The following SLC9A2 variants were observed in gnomAD, a reference collection of about 807,000 sequenced individuals.
SLC9A2 encodes the protein solute carrier family 9 member A2.
SLC9A2 carries 42 observed loss-of-function variants against 71.7 expected under a neutral mutation model. That is an observed-to-expected ratio of 0.59 (90% CI 0.46 to 0.76). The LOEUF is 0.76. SLC9A2 is among the 30% of genes least tolerant of loss of function. The pLI is 0.00. For missense variants in SLC9A2, 829 were observed against 1,017.4 expected (o/e 0.81, Z 2.52); for synonymous variants, 396 against 392.5 (o/e 1.01, Z -0.10).
chr2:102,645,159 G>C (rs1026480081), intron 1 of SLC9A2, among the ~76,000 whole-genome samples: 1 of 152,144 alleles, frequency 6.6e-6, no homozygotes, highest in African/African-American at 2.4e-5. Flanking sequence ...AGGCAAACAG[G>C]GTCTGGAGTG....
At chr2:102,642,610 G>T (rs560445936) in intron 1 of SLC9A2, among the ~76,000 whole-genome samples, 1 of 152,018 alleles carries the variant, frequency 6.6e-6, no homozygotes, top group East Asian at 1.9e-4. Flanking sequence ...AAAGGGTATT[G>T]GTCTGTTGTT....
intron 1 of SLC9A2, among the ~76,000 whole-genome samples, chr2:102,640,693 A>G (rs1198920851): frequency 1.3e-5 from 2 of 152,138 alleles, no homozygotes; most frequent in African/African-American, 4.8e-5. Context: ...CTCATCATTT[A>G]GGGTCTTCAT....
chr2:102,633,799 G>A (rs1336623438), intron 1 of SLC9A2, among the ~76,000 whole-genome samples: 1 of 152,154 alleles, frequency 6.6e-6, no homozygotes, highest in Non-Finnish European at 1.5e-5. Flanking sequence ...GTATTCATAG[G>A]TTAAGAGAAG....
chr2:102,647,142 C>T (rs904676378), intron 1 of SLC9A2, among the ~76,000 whole-genome samples: 2 of 152,144 alleles, frequency 1.3e-5, no homozygotes, highest in Non-Finnish European at 1.5e-5. Flanking sequence ...CAAATTATAA[C>T]TCAGGATTAA....
intron 5 of SLC9A2, among the ~76,000 whole-genome samples, chr2:102,692,115 T>C (rs1677675505): frequency 1.3e-5 from 2 of 152,242 alleles, no homozygotes; most frequent in Admixed American, 6.5e-5. Context: ...TTCATTTACA[T>C]AAGTTAGAAA....
At chr2:102,687,351 G>T (rs763944940) in intron 5 of SLC9A2, among the ~76,000 whole-genome samples, 9 of 152,182 alleles carry the variant, frequency 5.9e-5, no homozygotes, top group East Asian at 1.9e-4. Flanking sequence ...CTTCAGAAAA[G>T]ATATCTTTTC....
intron 3 of SLC9A2, among the ~76,000 whole-genome samples, chr2:102,678,690 A>G (rs1677390388): frequency 6.6e-6 from 1 of 152,156 alleles, no homozygotes; most frequent in Admixed American, 6.5e-5. Context: ...TCTCCTGGCC[A>G]TATACTTCAG....
chr2:102,649,515 A>G (rs910977740), intron 1 of SLC9A2, among the ~76,000 whole-genome samples: 5 of 152,220 alleles, frequency 3.3e-5, no homozygotes, highest in African/African-American at 9.7e-5. Flanking sequence ...AGCAAAAATT[A>G]TCATCAGAGT....
intron 3 of SLC9A2, among the ~76,000 whole-genome samples, chr2:102,681,055 TC>T (rs1677444457): frequency 6.6e-6 from 1 of 152,128 alleles, no homozygotes; most frequent in Non-Finnish European, 1.5e-5. Flanking sequence ...AAGATGGAAA[TC>T]TGCATTGTTT....
chr2:102,705,893 G>A lies in SLC9A2; in HGVS notation c.2025G>A (p.Lys675=), dbSNP rs1677965791. The A allele has an allele frequency of 6.2e-7, 1 of 1,606,618 alleles. No individual in the cohort carries two copies. Residue 675 remains lysine (K), a synonymous_variant, in exon 11 of 12, where the codon AAG becomes AAA. Coordinates refer to ENST00000233969, the MANE Select transcript of SLC9A2 (RefSeq NM_003048.6). ...SRYLSLPKNT[K]LPEKLQKRRT... ...ATTTATCCTTACCTAAAAATACGAAGCTTCCAGAAAAGCTACAAAAGAGGA... is the reference window on the plus strand; with the variant it reads ...ATTTATCCTTACCTAAAAATACGAAACTTCCAGAAAAGCTACAAAAGAGGA...
chr2:102,668,069 G>C lies in SLC9A2; in HGVS notation c.1004+2719G>C, dbSNP rs1015513368. ...AGCCCAGACAACAGATTGAGACTCG[G>C]TCTCAAAAAACTAAAAAATAAAAAA... On this transcript the variant is annotated intron_variant, in intron 3 of 11. Coordinates refer to ENST00000233969, the MANE Select transcript of SLC9A2 (RefSeq NM_003048.6). Among the ~76,000 whole-genome samples the C allele has an allele frequency of 2.0e-5, 3 of 151,622 alleles. No individual in the cohort carries two copies. In the East Asian group the frequency reaches 5.8e-4, roughly 29 times the overall value.
rs745379416 is a variant in SLC9A2, at chr2:102,708,181, G to A, written c.2131G>A (p.Ala711Thr). The change falls in exon 12 of 12, where the codon GCC becomes ACC. Residue 711 changes from alanine (A) to threonine (T), a missense_variant. By Grantham distance (58) the Ala-to-Thr change is moderately conservative (BLOSUM62 0). Around this residue, in one of 3 missense-constraint regions of SLC9A2, gnomAD observed 223 missense variants for 197.5 expected, o/e 1.13. Transcript: ENST00000233969. ...CACCGTGCTCAATTTGCAGCCCAGA[G>A]CCAGGCGCTTCTTGCCAGAACAGTT... ...GTTVLNLQPR[A>T]RRFLPEQFSK... The A allele has an allele frequency of 1.2e-6, 2 of 1,614,180 alleles. No homozygotes were observed. The highest frequency in any genetic ancestry group is 2.2e-5 in the South Asian group (2 of 91,082).
At position 102,708,290 on chromosome 2, in the gene SLC9A2, C is replaced by T; in HGVS notation, c.2240C>T (p.Pro747Leu). 1 of 1,614,168 alleles carries T rather than the reference C, an allele frequency of 6.2e-7. No individual in the cohort carries two copies. Among genetic ancestry groups the T allele is most frequent in the Non-Finnish European group, 8.5e-7 (1 of 1,180,034 alleles). ...TCTGGCCGAGATATGCCCAGCACCC[C>T]CCCAACACCCCACAGCAGAGAAAAG... ...VDSGRDMPST[P>L]PTPHSREKGT... Residue 747 changes from proline (P) to leucine (L), a missense_variant, in exon 12 of 12, where the codon CCC becomes CTC. By Grantham distance (98) the Pro-to-Leu change is moderately conservative. This residue lies in a region of SLC9A2 where 223 missense variants were observed against 197.5 expected (regional missense o/e 1.13). Coordinates refer to ENST00000233969, the MANE Select transcript of SLC9A2 (RefSeq NM_003048.6).
At chr2:102,660,178 G>A (rs1201829700) in intron 2 of SLC9A2, among the ~76,000 whole-genome samples, 2 of 152,162 alleles carry the variant, frequency 1.3e-5, no homozygotes, top group African/African-American at 4.8e-5. Context: ...AGGCACAACT[G>A]TGGTTTTATG....
rs192500031 is a variant in SLC9A2, at chr2:102,630,519, C to T, written c.289+10382C>T. 2.1e-3 allele frequency among the ~76,000 whole-genome samples: 314 copies of T among 152,022 alleles called. 1 individual carries two copies. Among genetic ancestry groups the T allele is most frequent in the African/African-American group, 7.2e-3 (300 of 41,520 alleles). On this transcript the variant is annotated intron_variant, in intron 1 of 11. Coordinates refer to ENST00000233969, the MANE Select transcript of SLC9A2 (RefSeq NM_003048.6). ...TTTTTGATATTCTGCTATTTTTTAA[C>T]GTGTCTAAGTATAGATTTACTTTAT...
intron 1 of SLC9A2, among the ~76,000 whole-genome samples, chr2:102,634,685 A>G (rs1676434017): frequency 6.6e-6 from 1 of 152,196 alleles, no homozygotes; most frequent in Non-Finnish European, 1.5e-5. Flanking sequence ...AGCCTCTGAA[A>G]TATGTTACGT....
intron 8 of SLC9A2, 52 bp downstream of exon 8, chr2:102,701,283 G>T (rs756696028): frequency 1.5e-6 from 2 of 1,307,654 alleles, no homozygotes; most frequent in African/African-American, 3.0e-5. Flanking sequence ...GGCATTGATA[G>T]TATTTTGAAA....
At position 102,658,008 on chromosome 2, in the gene SLC9A2, T is replaced by C; in HGVS notation, c.734T>C (p.Leu245Pro). ...ATCCTGGTCTTTGGAGAGTCCCTGC[T>C]GAATGATGCAGTAACAGTGGTGAGT... ...LYILVFGESL[L>P]NDAVTVVLYN... Residue 245 changes from leucine to proline, a missense_variant, in exon 2 of 12, where the codon CTG becomes CCG. Leu to Pro is a moderately conservative substitution (Grantham distance 98). Transcript: ENST00000233969. 1 of 1,608,620 alleles carries C rather than the reference T, an allele frequency of 6.2e-7. No individual in the cohort carries two copies. The highest frequency in any genetic ancestry group is 8.5e-7 in the Non-Finnish European group (1 of 1,177,106).
chr2:102,636,971 C>T (rs527513760), intron 1 of SLC9A2, among the ~76,000 whole-genome samples: 1 of 152,256 alleles, frequency 6.6e-6, no homozygotes, highest in East Asian at 1.9e-4. Context: ...GGTCAAACCC[C>T]TTCATCAGAT....
Sources: allele counts gnomAD v4.1 joint callset (sites outside exome capture counted in the v4.1 genomes callset), GRCh38; gene constraint gnomAD v4.1.1; regional missense constraint gnomAD v4.1.1; transcripts MANE v1.5; gene names NCBI Gene and HGNC (gene_info 2026-07-23, HGNC 2026-07-21).